The following TM2D1 variants were observed in gnomAD, a reference collection of about 807,000 sequenced individuals.
TM2D1 encodes TM2 domain containing 1, also known as TM2 domain-containing protein 1.
A neutral mutation model predicts 28.4 loss-of-function variants in TM2D1; 15 were observed. That is an observed-to-expected ratio of 0.53 (90% CI 0.35 to 0.81). The LOEUF is 0.81. Among genes scored for constraint, TM2D1 ranks in the 40% least tolerant of loss-of-function variants. The pLI, the probability that TM2D1 is intolerant of heterozygous loss-of-function variation, is 0.01. For synonymous variants in TM2D1, 93 were observed against 96.2 expected (o/e 0.97, Z 0.20); for missense variants, 236 against 254.9 (o/e 0.93, Z 0.50).
chr1:61,702,315 A>G (rs1644407944), intron 3 of TM2D1, among the ~76,000 whole-genome samples: 1 of 151,836 alleles, frequency 6.6e-6, no homozygotes, highest in South Asian at 2.1e-4. Flanking sequence ...GCAATTTTAG[A>G]CCTTATATAT....
chr1:61,698,875 G>GCAC (rs998286743), intron 4 of TM2D1: 2 of 151,596 alleles, frequency 1.3e-5, no homozygotes, highest in African/African-American at 4.8e-5. Flanking sequence ...ACACACCACC[G>GCAC]CACCCAGCAA....
intron 2 of TM2D1, among the ~76,000 whole-genome samples, chr1:61,715,797 T>A (rs1169658471): frequency 5.3e-5 from 8 of 151,074 alleles, no homozygotes; most frequent in Non-Finnish European, 7.4e-5. Context: ...AGGAGGTTTT[T>A]TTGTTTATTT....
At chr1:61,715,645 C>CAAAAAAAAAAAAAAAAAAAAAA (rs759796747) in intron 2 of TM2D1, among the ~76,000 whole-genome samples, 1 of 16,424 alleles carries the variant, frequency 6.1e-5, no homozygotes, top group Non-Finnish European at 1.3e-4. Context: ...AAGACTGTCT[C>CAAAAAAAAAAAAAAAAAAAAAA]AAAAAAAAAA....
chr1:61,696,569 A>C (rs550168477), intron 4 of TM2D1, among the ~76,000 whole-genome samples: 1 of 151,976 alleles, frequency 6.6e-6, no homozygotes, highest in East Asian at 1.9e-4. Flanking sequence ...GAAAGAAAGA[A>C]GAAAAAGAGA....
intron 5 of TM2D1, among the ~76,000 whole-genome samples, chr1:61,688,862 T>C (rs541606969): frequency 4.1e-4 from 62 of 149,616 alleles, no homozygotes; most frequent in African/African-American, 1.4e-3. Flanking sequence ...CTGGCCAACA[T>C]GGTGAAACGC....
At chr1:61,710,503 TACACACACAC>T (rs4020071) in intron 2 of TM2D1, among the ~76,000 whole-genome samples, 1 of 126,634 alleles carries the variant, frequency 7.9e-6, no homozygotes, top group African/African-American at 2.9e-5. Flanking sequence ...TATACACACA[TACACACACAC>T]ACACACACAC....
At chr1:61,713,832 G>GT (rs930986492) in intron 2 of TM2D1, among the ~76,000 whole-genome samples, 4 of 144,240 alleles carry the variant, frequency 2.8e-5, no homozygotes, top group African/African-American at 1.0e-4. Flanking sequence ...GAAATGCACT[G>GT]TTTTTTTGAG....
intron 2 of TM2D1, among the ~76,000 whole-genome samples, chr1:61,718,563 T>A (rs1488788751): frequency 2.6e-5 from 4 of 152,278 alleles, no homozygotes; most frequent in South Asian, 4.1e-4. Flanking sequence ...TTAATGAGCA[T>A]CCCTTTAGAT....
intron 5 of TM2D1, among the ~76,000 whole-genome samples, chr1:61,693,054 T>C (rs1489113917): frequency 6.6e-6 from 1 of 151,886 alleles, no homozygotes; most frequent in Non-Finnish European, 1.5e-5. Flanking sequence ...CTGGGCAACA[T>C]GGGGAAACCT....
intron 2 of TM2D1, among the ~76,000 whole-genome samples, chr1:61,719,718 C>G (rs12125626): frequency 0.34 from 51,158 of 151,996 alleles, 10,214 homozygotes; most frequent in Middle Eastern, 0.47. Context: ...TGGTCTTGAA[C>G]TCCTGACCTC....
chr1:61,701,582 T>TGTGTGG (rs1242050871), intron 3 of TM2D1, among the ~76,000 whole-genome samples: 111 of 151,954 alleles, frequency 7.3e-4, no homozygotes, highest in African/African-American at 2.5e-3. Flanking sequence ...TGTGTGTGTG[T>TGTGTGG]GTGTGTGTAT....
intron 3 of TM2D1, among the ~76,000 whole-genome samples, chr1:61,705,131 T>C (rs1644431426): frequency 6.6e-6 from 1 of 152,158 alleles, no homozygotes; most frequent in Non-Finnish European, 1.5e-5. Flanking sequence ...AGCAATTATC[T>C]ATGTAAGTAA....
At chr1:61,690,534 C>A (rs536719437) in intron 5 of TM2D1, among the ~76,000 whole-genome samples, 1 of 151,416 alleles carries the variant, frequency 6.6e-6, no homozygotes, top group South Asian at 2.1e-4. Flanking sequence ...TGTTATAGCC[C>A]CAAATGGACT....
chr1:61,725,136 T>G lies in TM2D1; in HGVS notation c.-16A>C. The stretch of plus-strand genomic sequence containing the variant: ...CGGCCGCCATCTTGGAGACCGACAC[T>G]TTCTCGCCACTTCCGCTTCCGCCTC... On this transcript the variant is annotated 5_prime_UTR_variant, in exon 1 of 7. Coordinates refer to ENST00000606498, the MANE Select transcript of TM2D1 (RefSeq NM_032027.3). The G allele has an allele frequency of 2.5e-6, 4 of 1,613,206 alleles. No individual in the cohort carries two copies. Among genetic ancestry groups the G allele is most frequent in the Non-Finnish European group, 3.4e-6 (4 of 1,179,724 alleles).
At chr1:61,686,144 G>C (rs1335349073) in intron 5 of TM2D1, among the ~76,000 whole-genome samples, 2 of 152,070 alleles carry the variant, frequency 1.3e-5, no homozygotes, top group East Asian at 3.9e-4. Flanking sequence ...TTTTCTTATT[G>C]ATTATAATGA....
At chr1:61,713,884 CTTTTTTT>C (rs372226143) in intron 2 of TM2D1, among the ~76,000 whole-genome samples, 7,514 of 106,454 alleles carry the variant, frequency 0.071, 218 homozygotes, top group East Asian at 0.16. Context: ...CCAAATATTT[CTTTTTTT>C]TTTTTTTTTT....
Position 61,683,417 on chromosome 1 carries a change from T to C in TM2D1, c.*19A>G. ...TTACATATATATATATATCACTTAC[T>C]GTTTCTTTTAAAAAATATTTATGGA... On this transcript the variant is annotated splice_region_variant and 3_prime_UTR_variant, in exon 6 of 7. Transcript: ENST00000606498. 1 of 982,756 alleles carries C rather than the reference T, an allele frequency of 1.0e-6. No individual in the cohort carries two copies. The allele number at this position is 982,756 out of a possible 1,614,324, so 60.9% of individuals were successfully genotyped here. A position where few individuals can be genotyped will look rare whatever the true frequency, so the allele number is the denominator to read the frequency against.
At chr1:61,707,059 A>G (rs539957469) in intron 3 of TM2D1, among the ~76,000 whole-genome samples, 21 of 152,248 alleles carry the variant, frequency 1.4e-4, no homozygotes, top group African/African-American at 4.8e-4. Context: ...GTTTGAGACC[A>G]GCCTGGGCAA....
In TM2D1 at chr1:61,681,132, A is replaced by AT. The variant is rs1051973535; in HGVS notation, c.*237dup. The stretch of plus-strand genomic sequence containing the variant: ...TAAAAGATTAAAGAGTATCAGAGTA[A>AT]TAAGCTATCTCTCATAGAGACAGAA... On this transcript the variant is annotated 3_prime_UTR_variant, in exon 7 of 7. Transcript: ENST00000606498. 1.3e-5 allele frequency: 2 copies of AT among 153,766 alleles called. No homozygotes were observed. The highest frequency in any genetic ancestry group is 2.9e-5 in the Non-Finnish European group (2 of 68,052). The allele number at this position is 153,766 out of a possible 1,614,324, so 9.5% of individuals were successfully genotyped here.
Sources: allele counts gnomAD v4.1 joint callset (sites outside exome capture counted in the v4.1 genomes callset), GRCh38; gene constraint gnomAD v4.1.1; transcripts MANE v1.5; gene names NCBI Gene and HGNC (gene_info 2026-07-23, HGNC 2026-07-21).